Variants in OXCT1 observed in about 807,000 individuals in gnomAD.
OXCT1 encodes succinyl-CoA:3-ketoacid coenzyme A transferase 1, mitochondrial.
In OXCT1, 27 loss-of-function variants were observed where a neutral mutation model predicts 69.6. The ratio of observed to expected loss-of-function variants is 0.39; its 90% CI spans 0.29 to 0.54. OXCT1 has a LOEUF of 0.54. OXCT1 is among the 20% of genes least tolerant of loss of function. The probability of loss-of-function intolerance (pLI) is 0.72; values close to 1 mark genes in which losing one functional copy is unlikely to be tolerated. For missense variants in OXCT1, 437 were observed against 650.2 expected (o/e 0.67, Z 3.57); for synonymous variants, 202 against 217.8 (o/e 0.93, Z 0.64).
chr5:41,849,125 A>G (rs1749062277), intron 5 of OXCT1, among the ~76,000 whole-genome samples: 1 of 152,192 alleles, frequency 6.6e-6, no homozygotes, highest in South Asian at 2.1e-4. Context: ...AGATGTCTCC[A>G]GATGGAAGAT....
intron 9 of OXCT1, among the ~76,000 whole-genome samples, chr5:41,803,705 TAAAAA>T (rs1264487634): frequency 6.6e-6 from 1 of 152,046 alleles, no homozygotes; most frequent in African/African-American, 2.4e-5. Context: ...CTATGTGACA[TAAAAA>T]GAAAAGTGGG....
At chr5:41,862,824 C>G in intron 1 of OXCT1, 74 bp from the exon 2 acceptor site, 1 of 845,622 alleles carries the variant, frequency 1.2e-6, no homozygotes, top group Non-Finnish European at 2.0e-6. Flanking sequence ...GCAATTTATT[C>G]AATTGATAGA....
intron 7 of OXCT1, among the ~76,000 whole-genome samples, chr5:41,825,060 C>T (rs1747735913): frequency 6.6e-6 from 1 of 152,186 alleles, no homozygotes; most frequent in Non-Finnish European, 1.5e-5. Flanking sequence ...TCACAGAAGG[C>T]ACAGAAAAGG....
chr5:41,850,217 GCACA>G, intron 4 of OXCT1, 38 bp from the exon 5 acceptor site: 1 of 1,610,754 alleles, frequency 6.2e-7, no homozygotes, highest in Non-Finnish European at 8.5e-7. Flanking sequence ...AGTTCACTAA[GCACA>G]CTTCTCTATG....
intron 5 of OXCT1, among the ~76,000 whole-genome samples, chr5:41,848,889 A>G (rs1235905897): frequency 3.9e-5 from 6 of 152,198 alleles, no homozygotes; most frequent in East Asian, 1.9e-4. Flanking sequence ...GACTTCATGT[A>G]TAAAACACCA....
At chr5:41,855,673 C>G (rs1016803200) in intron 3 of OXCT1, among the ~76,000 whole-genome samples, 1 of 152,164 alleles carries the variant, frequency 6.6e-6, no homozygotes, top group African/African-American at 2.4e-5. Flanking sequence ...ATCCCTGTGT[C>G]AGGCTCTGGA....
intron 15 of OXCT1, among the ~76,000 whole-genome samples, chr5:41,747,518 A>G (rs1437186474): frequency 6.6e-6 from 1 of 152,074 alleles, no homozygotes; most frequent in Non-Finnish European, 1.5e-5. Context: ...GGTTTGTGCT[A>G]AGTTAGGATA....
At chr5:41,746,033 C>T (rs929185345) in intron 15 of OXCT1, among the ~76,000 whole-genome samples, 2 of 152,100 alleles carry the variant, frequency 1.3e-5, no homozygotes, top group African/African-American at 4.8e-5. Flanking sequence ...AGAAGGAATC[C>T]TCCCTAACTC....
intron 15 of OXCT1, among the ~76,000 whole-genome samples, chr5:41,743,619 C>T (rs1179777758): frequency 6.6e-6 from 1 of 152,186 alleles, no homozygotes. Flanking sequence ...TTAGGTCTAA[C>T]ATTTAACTCT....
intron 16 of OXCT1, among the ~76,000 whole-genome samples, chr5:41,736,177 T>C (rs759072330): frequency 5.9e-5 from 9 of 152,196 alleles, no homozygotes; most frequent in Non-Finnish European, 1.0e-4. Context: ...GGGAGAGTAA[T>C]CATATGGTTG....
intron 7 of OXCT1, among the ~76,000 whole-genome samples, chr5:41,838,625 ATTTTT>A (rs113782574): frequency 7.1e-6 from 1 of 141,148 alleles, no homozygotes; most frequent in African/African-American, 2.6e-5. Context: ...TTCTCAGTCA[ATTTTT>A]TTTTTTTTTT....
intron 5 of OXCT1, 127 bp downstream of exon 5, chr5:41,849,903 T>C: frequency 7.4e-6 from 7 of 951,832 alleles, no homozygotes; most frequent in Non-Finnish European, 1.2e-5. Flanking sequence ...ATTTCACCTA[T>C]TTATGAAAAT....
chr5:41,788,959 A>T (rs900771572), intron 13 of OXCT1, among the ~76,000 whole-genome samples: 2 of 152,226 alleles, frequency 1.3e-5, no homozygotes, highest in African/African-American at 2.4e-5. Flanking sequence ...AAAAATTTTT[A>T]AAAAGTTATG....
chr5:41,861,598 T>G (rs1226294545), intron 2 of OXCT1, among the ~76,000 whole-genome samples, 194 bp from the exon 3 acceptor site: 1 of 152,228 alleles, frequency 6.6e-6, no homozygotes, highest in Non-Finnish European at 1.5e-5. Flanking sequence ...CACCATTATA[T>G]CACATATCAC....
chr5:41,869,422 C>G (rs1337118043), intron 1 of OXCT1, among the ~76,000 whole-genome samples: 1 of 152,178 alleles, frequency 6.6e-6, no homozygotes, highest in African/African-American at 2.4e-5. Flanking sequence ...TCCTAGGGCT[C>G]CAGACAGGGG....
intron 7 of OXCT1, among the ~76,000 whole-genome samples, chr5:41,822,308 G>T (rs1006522841): frequency 1.3e-5 from 2 of 152,066 alleles, no homozygotes; most frequent in Non-Finnish European, 2.9e-5. Flanking sequence ...TAGTGGTTTG[G>T]GGGTGGGAGG....
chr5:41,862,565 T>G (rs1385927471), intron 2 of OXCT1, 77 bp downstream of exon 2: 1 of 798,466 alleles, frequency 1.3e-6, no homozygotes, highest in African/African-American at 1.7e-5. Flanking sequence ...TTTATACATC[T>G]TTGTCATTGT....
chr5:41,858,040 C>T (rs1476172209), intron 3 of OXCT1, among the ~76,000 whole-genome samples: 1 of 152,132 alleles, frequency 6.6e-6, no homozygotes, highest in Non-Finnish European at 1.5e-5. Flanking sequence ...TTTAAGTTGG[C>T]TCTATTTGGA....
rs1219707749 is a variant in OXCT1, at chr5:41,870,113, C to T, written c.78+168G>A. 2.9e-6 allele frequency: 2 copies of T among 686,652 alleles called. No individual in the cohort carries two copies. Among genetic ancestry groups the T allele is most frequent in the Non-Finnish European group, 5.3e-6 (2 of 376,552 alleles). The allele number at this position is 686,652 out of a possible 1,614,324, so 42.5% of individuals were successfully genotyped here. On this transcript the variant is annotated intron_variant, in intron 1 of 16. Coordinates refer to ENST00000196371, the MANE Select transcript of OXCT1 (RefSeq NM_000436.4). The surrounding 1 kb of genome is among the most constrained non-coding windows in gnomAD (Gnocchi z 4.2). ...CAAAGGCGGTCATCCGAGGGGCCGG[C>T]GAGGCCAGGAACGCGTCGCCGCGTG... is the stretch of plus-strand genomic sequence containing the variant.
Sources: gnomAD v4.1 joint callset for allele counts (sites outside exome capture counted in the v4.1 genomes callset) on GRCh38, gnomAD v4.1.1 for gene constraint, Gnocchi (gnomAD v3.1) non-coding constraint, MANE v1.5 for transcripts, NCBI Gene and HGNC (gene_info 2026-07-23, HGNC 2026-07-21) for gene names.